The following EYA2 variants were observed in gnomAD, a reference collection of about 807,000 sequenced individuals.
EYA2 encodes the protein protein phosphatase EYA2.
EYA2 carries 31 observed loss-of-function variants against 69.2 expected under a neutral mutation model. The observed-to-expected ratio is 0.45, with a 90% CI of 0.34 to 0.60. EYA2 has a LOEUF of 0.60. EYA2 is among the 20% of genes least tolerant of loss of function. The pLI is 0.02. For synonymous variants in EYA2, 257 were observed against 279.4 expected, an observed-to-expected ratio of 0.92 and a Z score of 0.80; for missense variants, 622 against 701.2, an observed-to-expected ratio of 0.89 and a Z score of 1.28.
intron 11 of EYA2, among the ~76,000 whole-genome samples, chr20:47,169,800 T>C (rs987284151): frequency 1.3e-5 from 2 of 152,224 alleles, no homozygotes; most frequent in African/African-American, 4.8e-5. Flanking sequence ...TTCTCAGTAG[T>C]CAAGCTCAGA....
intron 9 of EYA2, among the ~76,000 whole-genome samples, chr20:47,118,833 A>G (rs577980349): frequency 6.6e-6 from 1 of 152,164 alleles, no homozygotes; most frequent in South Asian, 2.1e-4. Flanking sequence ...ACAAACACAG[A>G]CTGCTTCCCC....
intron 5 of EYA2, among the ~76,000 whole-genome samples, chr20:47,062,541 G>A (rs939887842): frequency 3.9e-5 from 6 of 152,160 alleles, no homozygotes; most frequent in African/African-American, 9.7e-5. Flanking sequence ...TACATGTAGC[G>A]GCTCTCCTGG....
At chr20:47,169,987 C>T (rs560154601) in intron 11 of EYA2, among the ~76,000 whole-genome samples, 2 of 152,154 alleles carry the variant, frequency 1.3e-5, no homozygotes, top group South Asian at 4.1e-4. Context: ...CTCACTGCAA[C>T]CTCCACCTCC....
At chr20:46,895,760 C>G (rs559099686) in intron 1 of EYA2, among the ~76,000 whole-genome samples, 4 of 152,206 alleles carry the variant, frequency 2.6e-5, no homozygotes. Context: ...TGCCTCCCCC[C>G]CAGCAATAAA....
At chr20:47,088,144 A>T (rs966706674) in intron 7 of EYA2, among the ~76,000 whole-genome samples, 2 of 152,350 alleles carry the variant, frequency 1.3e-5, no homozygotes, top group Non-Finnish European at 2.9e-5. Context: ...CCAAGGTAGG[A>T]GAATTGCTGA....
intron 1 of EYA2, among the ~76,000 whole-genome samples, chr20:46,921,834 C>T (rs992191779): frequency 6.6e-6 from 1 of 152,188 alleles, no homozygotes; most frequent in Non-Finnish European, 1.5e-5. Flanking sequence ...TTATATTAGC[C>T]AATACATTAT....
chr20:47,159,200 C>T (rs2034016172), intron 10 of EYA2, among the ~76,000 whole-genome samples: 1 of 151,906 alleles, frequency 6.6e-6, no homozygotes, highest in African/African-American at 2.4e-5. Context: ...TGATGAAGAC[C>T]ACCTGAGCCA....
chr20:47,176,078 T>A (rs1417655148), intron 12 of EYA2, among the ~76,000 whole-genome samples: 2 of 30,328 alleles, frequency 6.6e-5, no homozygotes, highest in African/African-American at 1.4e-3. Flanking sequence ...CTTAAATTCT[T>A]TTTTTTTTTT....
At chr20:47,103,008 T>G (rs1251242758) in intron 9 of EYA2, among the ~76,000 whole-genome samples, 1 of 152,172 alleles carries the variant, frequency 6.6e-6, no homozygotes, top group Non-Finnish European at 1.5e-5. Context: ...TTGCCCTGAC[T>G]CCTCCTTTTG....
intron 1 of EYA2, among the ~76,000 whole-genome samples, chr20:46,984,495 C>T (rs1981054714): frequency 6.6e-6 from 1 of 152,166 alleles, no homozygotes; most frequent in South Asian, 2.1e-4. Flanking sequence ...CTCAAACTCA[C>T]TAGTAATCCT....
At chr20:47,073,080 C>A (rs1339268930) in intron 6 of EYA2, among the ~76,000 whole-genome samples, 1 of 151,912 alleles carries the variant, frequency 6.6e-6, no homozygotes, top group Admixed American at 6.6e-5. Flanking sequence ...GGTTCTTAAC[C>A]CTCCATTTCA....
intron 1 of EYA2, among the ~76,000 whole-genome samples, chr20:46,917,220 G>T (rs1242058014): frequency 6.6e-6 from 1 of 152,140 alleles, no homozygotes. Flanking sequence ...AACTAGGACT[G>T]TTTATGTCAT....
chr20:47,173,966 G>GC (rs1009297269), intron 12 of EYA2, among the ~76,000 whole-genome samples: 7 of 152,196 alleles, frequency 4.6e-5, no homozygotes, highest in African/African-American at 1.7e-4. Flanking sequence ...TTTGCTCATT[G>GC]CCCCAAACAA....
intron 5 of EYA2, among the ~76,000 whole-genome samples, chr20:47,023,940 C>T (rs142365565): frequency 2.2e-4 from 34 of 152,224 alleles, no homozygotes; most frequent in African/African-American, 7.9e-4. Flanking sequence ...CAGCCTGGGT[C>T]TTTTTCTGAT....
chr20:47,097,665 G>A (rs372000089), intron 9 of EYA2, among the ~76,000 whole-genome samples: 6 of 152,126 alleles, frequency 3.9e-5, no homozygotes, highest in South Asian at 2.1e-4. Context: ...AAATTATGTC[G>A]GGGAACCATC....
intron 14 of EYA2, 23 bp downstream of exon 14, chr20:47,180,959 C>T (rs199897384): frequency 2.8e-5 from 45 of 1,611,014 alleles, no homozygotes; most frequent in African/African-American, 9.3e-5. Flanking sequence ...CACACCTCGG[C>T]GGGGATACAG....
chr20:47,009,874 C>T (rs1003161706), intron 4 of EYA2, among the ~76,000 whole-genome samples: 1 of 152,208 alleles, frequency 6.6e-6, no homozygotes, highest in African/African-American at 2.4e-5. Context: ...TGTTTTAAAA[C>T]TTTACCTACA....
intron 5 of EYA2, among the ~76,000 whole-genome samples, chr20:47,047,448 G>A (rs985418255): frequency 1.3e-5 from 2 of 151,796 alleles, no homozygotes; most frequent in South Asian, 2.1e-4. Context: ...GTGCAGTGGC[G>A]CGATCTCAGC....
At chr20:47,169,674 A>C (rs1320993607) in intron 11 of EYA2, among the ~76,000 whole-genome samples, 2 of 152,098 alleles carry the variant, frequency 1.3e-5, no homozygotes, top group African/African-American at 4.8e-5. Flanking sequence ...TCCCAAACTC[A>C]CCACCATTAA....
Sources: gnomAD v4.1 joint callset for allele counts (sites outside exome capture counted in the v4.1 genomes callset) on GRCh38, gnomAD v4.1.1 for gene constraint, MANE v1.5 for transcripts, NCBI Gene and HGNC (gene_info 2026-07-23, HGNC 2026-07-21) for gene names.